Variants in CPNE4 observed in about 807,000 individuals in gnomAD.
CPNE4 encodes copine 4, also known as copine-4.
CPNE4 carries 25 observed loss-of-function variants against 67.9 expected under a neutral mutation model. That is an observed-to-expected ratio of 0.37 (90% CI 0.27 to 0.51). The LOEUF (loss-of-function observed/expected upper bound fraction) is 0.51. Among genes scored for constraint, CPNE4 ranks in the 20% least tolerant of loss-of-function variants. The pLI, the probability that CPNE4 is intolerant of heterozygous loss-of-function variation, is 0.93. For missense variants in CPNE4, 464 were observed against 690.8 expected, an observed-to-expected ratio of 0.67 and a Z score of 3.68; for synonymous variants, 242 against 244.9, an observed-to-expected ratio of 0.99 and a Z score of 0.11.
intron 1 of CPNE4, among the ~76,000 whole-genome samples, chr3:132,004,504 T>A (rs2073536337): frequency 6.6e-6 from 1 of 152,116 alleles, no homozygotes; most frequent in Admixed American, 6.6e-5. Flanking sequence ...TAGTTTTATA[T>A]TCTGCTAAGT....
In CPNE4 at chr3:131,793,189, C is replaced by T. The variant is rs77613669; in HGVS notation, c.181-69564G>A. Among the ~76,000 whole-genome samples, 1,225 of 152,148 alleles carry T rather than the reference C, an allele frequency of 8.1e-3. 15 individuals are homozygous for T. The highest frequency in any genetic ancestry group is 0.027 in the African/African-American group (1,140 of 41,514). On this transcript the variant is annotated intron_variant, in intron 2 of 15. Coordinates refer to ENST00000429747, the MANE Select transcript of CPNE4 (RefSeq NM_130808.3). ...TCATAGCCTTCCATTTTTTTCTCCA[C>T]TAGACCAAGAGTGACTTCATGGATA...
intron 1 of CPNE4, among the ~76,000 whole-genome samples, chr3:131,953,311 G>A (rs2071836448): frequency 6.7e-6 from 1 of 149,444 alleles, no homozygotes; most frequent in Non-Finnish European, 1.5e-5. Flanking sequence ...GTTCTTATAG[G>A]AAAGGCTTTC....
intron 2 of CPNE4, among the ~76,000 whole-genome samples, chr3:131,848,303 A>C (rs1236553738): frequency 1.3e-5 from 2 of 152,158 alleles, no homozygotes; most frequent in Non-Finnish European, 2.9e-5. Flanking sequence ...ACATTCTAAA[A>C]CATCCTCTTT....
At chr3:131,873,105 C>G (rs2087289653) in intron 2 of CPNE4, among the ~76,000 whole-genome samples, 1 of 152,200 alleles carries the variant, frequency 6.6e-6, no homozygotes, top group Non-Finnish European at 1.5e-5. Flanking sequence ...AAAGATAGCT[C>G]TTATCACACT....
chr3:131,907,763 G>A (rs778877112), intron 1 of CPNE4, among the ~76,000 whole-genome samples: 2 of 152,116 alleles, frequency 1.3e-5, no homozygotes, highest in Non-Finnish European at 2.9e-5. Flanking sequence ...TTATTATGTG[G>A]CCCTCTTCAG....
At chr3:131,615,952 A>C (rs944736582) in intron 7 of CPNE4, among the ~76,000 whole-genome samples, 2 of 140,228 alleles carry the variant, frequency 1.4e-5, no homozygotes, top group Non-Finnish European at 3.1e-5. Flanking sequence ...CACACACACA[A>C]AAGAACATTT....
At chr3:131,695,552 G>T (rs989698559) in intron 5 of CPNE4, among the ~76,000 whole-genome samples, 3 of 152,198 alleles carry the variant, frequency 2.0e-5, no homozygotes, top group African/African-American at 7.2e-5. Context: ...TGACCCAGTG[G>T]CTTATAATAG....
At chr3:131,958,609 C>CTT (rs748126986) in intron 1 of CPNE4, among the ~76,000 whole-genome samples, 1,149 of 95,470 alleles carry the variant, frequency 0.012, 117 homozygotes, top group African/African-American at 0.028. Context: ...TCTTTCTTTT[C>CTT]TTTTTTTTTT....
chr3:131,801,072 T>C (rs188833378), intron 2 of CPNE4, among the ~76,000 whole-genome samples: 1 of 152,036 alleles, frequency 6.6e-6, no homozygotes, highest in Non-Finnish European at 1.5e-5. Context: ...AGAGTAAGTA[T>C]CCAGAACCCT....
chr3:131,711,299 C>A (rs1417855094), intron 3 of CPNE4, among the ~76,000 whole-genome samples: 2 of 152,178 alleles, frequency 1.3e-5, no homozygotes, highest in African/African-American at 4.8e-5. Flanking sequence ...CTAAACTCAG[C>A]ACTGCTTTTG....
At chr3:132,034,526 C>A (rs1480362495) in intron 1 of CPNE4, 41 bp downstream of exon 1, 43 of 949,310 alleles carry the variant, frequency 4.5e-5, no homozygotes, top group Non-Finnish European at 4.9e-5. Flanking sequence ...GCAATCACAG[C>A]GCCCCAGGAA....
intron 1 of CPNE4, among the ~76,000 whole-genome samples, chr3:132,029,276 T>C (rs368422711): frequency 6.6e-6 from 1 of 152,164 alleles, no homozygotes; most frequent in East Asian, 1.9e-4. Context: ...AACCAGGCAC[T>C]GGAAGACACC....
At chr3:131,959,880 C>A (rs1402686067) in intron 1 of CPNE4, among the ~76,000 whole-genome samples, 2 of 152,110 alleles carry the variant, frequency 1.3e-5, no homozygotes, top group Non-Finnish European at 2.9e-5. Context: ...CCTGAAAGAA[C>A]CTTGTTTCTT....
intron 9 of CPNE4, among the ~76,000 whole-genome samples, chr3:131,580,455 T>TATACAC (rs1173205650): frequency 1.4e-4 from 18 of 128,312 alleles, no homozygotes; most frequent in African/African-American, 5.2e-4. Flanking sequence ...TACATATACA[T>TATACAC]ATACACATAT....
intron 14 of CPNE4, among the ~76,000 whole-genome samples, chr3:131,544,488 C>T (rs1256454881): frequency 6.6e-6 from 1 of 152,168 alleles, no homozygotes; most frequent in East Asian, 1.9e-4. Context: ...CATTAACTAA[C>T]CACTCACCCC....
At chr3:131,547,052 T>C (rs892751519) in intron 14 of CPNE4, among the ~76,000 whole-genome samples, 8 of 152,310 alleles carry the variant, frequency 5.3e-5, no homozygotes, top group African/African-American at 1.7e-4. Context: ...CTTGCATCTA[T>C]GAAGGTTCAA....
At chr3:131,870,479 A>G (rs1401398215) in intron 2 of CPNE4, among the ~76,000 whole-genome samples, 1 of 152,158 alleles carries the variant, frequency 6.6e-6, no homozygotes, top group Non-Finnish European at 1.5e-5. Flanking sequence ...TTTTGAGGTG[A>G]GAGGACAAGA....
At chr3:131,961,383 A>G (rs990326545) in intron 1 of CPNE4, among the ~76,000 whole-genome samples, 1 of 152,196 alleles carries the variant, frequency 6.6e-6, no homozygotes, top group Non-Finnish European at 1.5e-5. Context: ...AAAGAGCAGT[A>G]ACTCTGGTTC....
At chr3:131,713,199 C>T (rs538951174) in intron 3 of CPNE4, among the ~76,000 whole-genome samples, 2 of 152,096 alleles carry the variant, frequency 1.3e-5, no homozygotes, top group Non-Finnish European at 2.9e-5. Context: ...CCCTCCTCTG[C>T]ACCAATATTG....
Sources: gnomAD v4.1 joint callset for allele counts (sites outside exome capture counted in the v4.1 genomes callset) on GRCh38, gnomAD v4.1.1 for gene constraint, MANE v1.5 for transcripts, NCBI Gene and HGNC (gene_info 2026-07-23, HGNC 2026-07-21) for gene names.